The following MAPK4 variants were observed in gnomAD, a reference collection of about 807,000 sequenced individuals.
The protein encoded by MAPK4 is Erk3-related.
MAPK4 carries 22 observed loss-of-function variants against 47.7 expected under a neutral mutation model. That is an observed-to-expected ratio of 0.46 (90% CI 0.33 to 0.66). The LOEUF (loss-of-function observed/expected upper bound fraction) is 0.66. Among genes scored for constraint, MAPK4 ranks in the 30% least tolerant of loss-of-function variants. The pLI is 0.02. For synonymous variants in MAPK4, 390 were observed against 365.7 expected (o/e 1.07, Z -0.76); for missense variants, 736 against 831.7 (o/e 0.88, Z 1.42).
At chr18:50,637,154 T>C (rs546285609) in intron 1 of MAPK4, among the ~76,000 whole-genome samples, 1 of 152,216 alleles carries the variant, frequency 6.6e-6, no homozygotes, top group East Asian at 1.9e-4. Context: ...AAATGAGAAG[T>C]TTGGACCAGA....
rs1188070744 is a variant in MAPK4 at position 50,729,221 on chromosome 18, G to A, written c.1131G>A (p.Glu377=). 1 of 1,604,486 alleles carries A rather than the reference G, an allele frequency of 6.2e-7. No individual in the cohort carries two copies. Among genetic ancestry groups the A allele is most frequent in the East Asian group, 2.2e-5 (1 of 44,596 alleles). The change falls in exon 6 of 6, where the codon GAG becomes GAA. Residue 377 remains glutamate, a synonymous_variant. Coordinates refer to ENST00000400384, the MANE Select transcript of MAPK4 (RefSeq NM_002747.4). ...WRPDRCQDAS[E]VQRDPRAGSA... is the part of the protein sequence containing the mutation. ...CTGACCGGTGCCAGGACGCCAGCGA[G>A]GTACAGCGCGACCCGCGCGCGGGTT... is the stretch of plus-strand genomic sequence containing the variant.
chr18:50,720,723 G>T (rs1437385605), intron 3 of MAPK4, among the ~76,000 whole-genome samples: 2 of 152,214 alleles, frequency 1.3e-5, no homozygotes, highest in African/African-American at 4.8e-5. Context: ...CCCCTGGTGG[G>T]TGGTGTGGAG....
chr18:50,721,878 G>C, intron 3 of MAPK4, 60 bp from the exon 4 acceptor site: 1 of 1,576,416 alleles, frequency 6.3e-7, no homozygotes, highest in Non-Finnish European at 8.7e-7. Flanking sequence ...CTGCTTTTGG[G>C]CTACTGCACA....
At chr18:50,716,302 G>A (rs1050423316) in intron 3 of MAPK4, among the ~76,000 whole-genome samples, 2 of 151,938 alleles carry the variant, frequency 1.3e-5, no homozygotes, top group Admixed American at 6.6e-5. Context: ...AGTAGTCAGC[G>A]ACGACTGTCA....
At chr18:50,565,345 G>A (rs1234594450) in intron 1 of MAPK4, among the ~76,000 whole-genome samples, 1 of 152,206 alleles carries the variant, frequency 6.6e-6, no homozygotes, top group African/African-American at 2.4e-5. Context: ...TTCCACTAGT[G>A]GGTAGTAGTA....
At chr18:50,714,592 G>C (rs895747148) in intron 2 of MAPK4, among the ~76,000 whole-genome samples, 1 of 152,190 alleles carries the variant, frequency 6.6e-6, no homozygotes, top group African/African-American at 2.4e-5. Context: ...TGGCTTTGTG[G>C]CAGCATTAAT....
chr18:50,601,753 G>A (rs939867720), intron 1 of MAPK4, among the ~76,000 whole-genome samples: 6 of 152,148 alleles, frequency 3.9e-5, no homozygotes, highest in African/African-American at 1.2e-4. Context: ...ATGTCCATAG[G>A]CTTTCAAGCC....
At chr18:50,715,287 G>A in intron 3 of MAPK4, 64 bp downstream of exon 3, 1 of 1,520,930 alleles carries the variant, frequency 6.6e-7, no homozygotes, top group African/African-American at 1.4e-5. Flanking sequence ...GGGGAACTGA[G>A]TGCAAAACAC....
chr18:50,643,509 T>C (rs2042959312), intron 1 of MAPK4, among the ~76,000 whole-genome samples: 1 of 152,244 alleles, frequency 6.6e-6, no homozygotes, highest in Non-Finnish European at 1.5e-5. Flanking sequence ...TGTAATGGAA[T>C]GAAACTCCAT....
chr18:50,725,917 A>G (rs558615063), intron 4 of MAPK4, 45 bp from the exon 5 acceptor site: 1 of 1,500,356 alleles, frequency 6.7e-7, no homozygotes, highest in African/African-American at 1.4e-5. Flanking sequence ...TCTGAGCTCA[A>G]CAAGGGCAAC....
chr18:50,723,440 T>C (rs1373316109), intron 4 of MAPK4, among the ~76,000 whole-genome samples: 1 of 152,186 alleles, frequency 6.6e-6, no homozygotes, highest in African/African-American at 2.4e-5. Flanking sequence ...ACATGGGACA[T>C]GACTGCTGCC....
chr18:50,629,142 G>A (rs1336317118), intron 1 of MAPK4, among the ~76,000 whole-genome samples: 2 of 152,184 alleles, frequency 1.3e-5, no homozygotes, highest in Non-Finnish European at 2.9e-5. Context: ...GCTAAGATGA[G>A]GGAGGGCATT....
chr18:50,615,211 G>A (rs778340289), intron 1 of MAPK4, among the ~76,000 whole-genome samples: 2 of 152,156 alleles, frequency 1.3e-5, no homozygotes, highest in Non-Finnish European at 2.9e-5. Flanking sequence ...TGGGGGGGGA[G>A]ATCCAGGGCT....
rs558937355 is a variant in MAPK4, at chr18:50,627,279, G to A, written c.-870-35810G>A. 3.1e-3 allele frequency among the ~76,000 whole-genome samples: 476 copies of A among 152,310 alleles called. 5 individuals carry two copies. The highest frequency in any genetic ancestry group is 0.012 in the South Asian group (58 of 4,832). ...AGTCTGTCCCATGGCCTCATTGGAG[G>A]TGGGAAGGATTCCGAAGGAAGGATT... On this transcript the variant is annotated intron_variant, in intron 1 of 5. Coordinates refer to ENST00000400384, the MANE Select transcript of MAPK4 (RefSeq NM_002747.4).
chr18:50,726,235 CTCTAA>C, intron 5 of MAPK4, 60 bp downstream of exon 5: 1 of 1,531,988 alleles, frequency 6.5e-7, no homozygotes, highest in South Asian at 1.1e-5. Flanking sequence ...TCTATTTTGC[CTCTAA>C]TCCTCCGTGA....
chr18:50,639,573 G>A (rs1018278574), intron 1 of MAPK4, among the ~76,000 whole-genome samples: 1 of 152,056 alleles, frequency 6.6e-6, no homozygotes, highest in East Asian at 1.9e-4. Context: ...CAGATAATAA[G>A]CAAAATGTTA....
intron 2 of MAPK4, among the ~76,000 whole-genome samples, chr18:50,682,345 T>C (rs1598905816): frequency 6.6e-6 from 1 of 152,160 alleles, no homozygotes; most frequent in African/African-American, 2.4e-5. Context: ...CAGGCCCAAA[T>C]AGCTTCATTG....
intron 1 of MAPK4, chr18:50,560,830 A>T (rs2149353479): frequency 6.6e-6 from 1 of 152,446 alleles, no homozygotes; most frequent in Non-Finnish European, 1.5e-5. Context: ...CCAGAGCCCC[A>T]GCCTGCCGGA....
chr18:50,727,971 G>A (rs992304248), intron 5 of MAPK4, among the ~76,000 whole-genome samples: 1 of 152,202 alleles, frequency 6.6e-6, no homozygotes, highest in South Asian at 2.1e-4. Flanking sequence ...TTCTGCCCAA[G>A]GCCACTCAAT....
Sources: gnomAD v4.1 joint callset for allele counts (sites outside exome capture counted in the v4.1 genomes callset) on GRCh38, gnomAD v4.1.1 for gene constraint, MANE v1.5 for transcripts, NCBI Gene and HGNC (gene_info 2026-07-23, HGNC 2026-07-21) for gene names.